The following TGM7 variants were observed in gnomAD, a reference collection of about 807,000 sequenced individuals.
TGM7 encodes protein-glutamine gamma-glutamyltransferase Z.
A neutral mutation model predicts 79.5 loss-of-function variants in TGM7; 74 were observed. The ratio of observed to expected loss-of-function variants is 0.93; its 90% confidence interval spans 0.77 to 1.13. The LOEUF is 1.13. Among genes scored for constraint, TGM7 ranks in the 50% most tolerant of loss-of-function variants. TGM7 has a pLI of 0.00. For missense variants in TGM7, 912 were observed against 905.9 expected, an observed-to-expected ratio of 1.01 and a Z score of -0.09; for synonymous variants, 354 against 362.5, an observed-to-expected ratio of 0.98 and a Z score of 0.27.
chr15:43,276,355 G>A lies in TGM7; in HGVS notation c.*100C>T. ...CAGAGCTTCATTCATTCCCAGGCAG[G>A]CTAGAGAGAGGACAGAGGTGGAGCC... On this transcript the variant is annotated 3_prime_UTR_variant, in exon 13 of 13. Coordinates refer to ENST00000452443, the MANE Select transcript of TGM7 (RefSeq NM_052955.3). 2.9e-6 allele frequency: 4 copies of A among 1,371,788 alleles called. No individual in the cohort carries two copies. The highest frequency in any genetic ancestry group is 1.9e-4 in the Middle Eastern group (1 of 5,350). The allele number at this position is 1,371,788 out of a possible 1,614,324, so 85.0% of individuals were successfully genotyped here. A position where few individuals can be genotyped will look rare whatever the true frequency, so the allele number is the denominator to read the frequency against.
chr15:43,279,754 C>A lies in TGM7; in HGVS notation c.1549G>T (p.Asp517Tyr). 1 of 1,614,084 alleles carries A rather than the reference C, an allele frequency of 6.2e-7. No individual in the cohort carries two copies. ...ATGGGCCCCCGAGGGTGGGTGCTGT[C>A]TGGCACCCTCTGGATACGCAGCAGC... is the stretch of plus-strand genomic sequence containing the variant. Reference protein sequence around the residue: ...QLLLRIQRVPDSTHPRGPIGL... With the variant: ...QLLLRIQRVPYSTHPRGPIGL... Residue 517 changes from aspartate to tyrosine, a missense_variant, in exon 10 of 13, where the codon GAC becomes TAC. Asp to Tyr is a radical substitution (Grantham distance 160). Coordinates refer to ENST00000452443, the MANE Select transcript of TGM7 (RefSeq NM_052955.3).
At chr15:43,288,757 C>G (rs538149601) in intron 4 of TGM7, among the ~76,000 whole-genome samples, 76 of 152,214 alleles carry the variant, frequency 5.0e-4, no homozygotes, top group Non-Finnish European at 8.5e-4. Flanking sequence ...CGGTGAAACC[C>G]CGTCTCTACT....
chr15:43,293,071 T>A, intron 2 of TGM7, 117 bp from the exon 3 acceptor site: 1 of 1,424,562 alleles, frequency 7.0e-7, no homozygotes, highest in Non-Finnish European at 9.5e-7. Flanking sequence ...TTTTGGCTTT[T>A]ACTGCCACCG....
In TGM7 at chr15:43,279,890, T is replaced by C; in HGVS notation, c.1413A>G (p.Arg471=). The C allele has an allele frequency of 6.2e-7, 1 of 1,614,064 alleles. No individual in the cohort carries two copies. The highest frequency in any genetic ancestry group is 8.5e-7 in the Non-Finnish European group (1 of 1,180,016). Residue 471 remains arginine, a synonymous_variant, in exon 10 of 13, where the codon AGA becomes AGG. Transcript: ENST00000452443. The part of the protein sequence containing the change: ...KASRKMLGPQ[R]ASLPFLDLLE... ...GGAGATCCAGGAAGGGCAAAGAAGC[T>C]CTTTGGGGGCCCAGCATTTTCCGAG...
At position 43,279,321 on chromosome 15, in the gene TGM7, G is replaced by T. The variant is rs746706752; in HGVS notation, c.1679-44C>A. ...CACCTTGAGTCCAGGACATGGACCAGAGAGAGGGGGGACATGTAGATGTGA... is the reference window on the plus strand; with the variant it reads ...CACCTTGAGTCCAGGACATGGACCATAGAGAGGGGGGACATGTAGATGTGA... On this transcript the variant is annotated intron_variant, in intron 10 of 12. Transcript: ENST00000452443. 6.9e-6 allele frequency: 11 copies of T among 1,587,344 alleles called. No individual in the cohort carries two copies. The African/African-American group carries it at 1.5e-4, about 21-fold the overall frequency.
chr15:43,292,785 C>A lies in TGM7; in HGVS notation c.363G>T (p.Glu121Asp), dbSNP rs765755247. 1 of 1,614,110 alleles carries A rather than the reference C, an allele frequency of 6.2e-7. No individual in the cohort carries two copies. Among genetic ancestry groups the A allele is most frequent in the Admixed American group, 1.7e-5 (1 of 60,026 alleles). The change falls in exon 3 of 13, where the codon GAG (glutamate) becomes GAT (aspartate). Residue 121 changes from glutamate (E) to aspartate (D), a missense_variant. Glu to Asp is a conservative substitution (Grantham distance 45, BLOSUM62 2). Transcript: ENST00000452443. ...CACTGTGACCTTGGCCCTGAGAGATCTCTATTTTCAGAGTGTAATGGCCAA... is the reference window on the plus strand; with the variant it reads ...CACTGTGACCTTGGCCCTGAGAGATATCTATTTTCAGAGTGTAATGGCCAA... ...AVIGHYTLKI[E>D]ISQGQGHSVT...
At chr15:43,286,322 G>A (rs896417760) in intron 6 of TGM7, among the ~76,000 whole-genome samples, 7 of 152,114 alleles carry the variant, frequency 4.6e-5, no homozygotes, top group African/African-American at 1.2e-4. Context: ...GGTGGACCTC[G>A]TCCTTCTCCT....
At chr15:43,283,013 G>T (rs2062716128) in intron 7 of TGM7, among the ~76,000 whole-genome samples, 3 of 152,176 alleles carry the variant, frequency 2.0e-5, no homozygotes, top group African/African-American at 7.2e-5. Context: ...TGGCACCGCT[G>T]CACTCCAGCC....
chr15:43,279,680 A>G lies in TGM7; in HGVS notation c.1623T>C (p.Gly541=), dbSNP rs749874314. The change falls in exon 10 of 13, where the codon GGT becomes GGC. Residue 541 remains glycine, a synonymous_variant. Transcript: ENST00000452443. ...FCAQALLHGG[G]TQKPFWRHTV... ...TGTGCCTCCAGAAGGGCTTCTGGGT[A>G]CCACCCCCATGCAGCAGGGCCTGTG... 2 of 1,612,954 alleles carry G rather than the reference A, an allele frequency of 1.2e-6. No individual in the cohort carries two copies. Among genetic ancestry groups the G allele is most frequent in the Non-Finnish European group, 8.5e-7 (1 of 1,179,492 alleles).
chr15:43,282,436 C>T (rs2042914228), intron 8 of TGM7, 81 bp downstream of exon 8: 2 of 1,262,142 alleles, frequency 1.6e-6, no homozygotes, highest in Non-Finnish European at 2.2e-6. Flanking sequence ...GCTGCTCCTC[C>T]CTGGTCTCCT....
intron 1 of TGM7, among the ~76,000 whole-genome samples, chr15:43,297,543 AAAAG>A (rs202000697): frequency 0.012 from 1,651 of 137,144 alleles, 10 homozygotes; most frequent in Non-Finnish European, 0.018. Context: ...AAGAAAGAGA[AAAAG>A]AAAGAAAGAA....
At position 43,279,911 on chromosome 15, in the gene TGM7, C is replaced by A. The variant is rs759571546; in HGVS notation, c.1392G>T (p.Arg464=). The A allele has an allele frequency of 6.2e-7, 1 of 1,614,170 alleles. No homozygotes were observed. The highest frequency in any genetic ancestry group is 1.1e-5 in the South Asian group (1 of 91,082). The change falls in exon 10 of 13, where the codon CGG becomes CGT. Residue 464 remains arginine, a synonymous_variant. Coordinates refer to ENST00000452443, the MANE Select transcript of TGM7 (RefSeq NM_052955.3). ...EERAVFMKAS[R]KMLGPQRASL... Reference sequence around the variant, plus strand: ...AAGCTCTTTGGGGGCCCAGCATTTTCCGAGAAGCCTTCATGAAGACAGCTC... The same window carrying A: ...AAGCTCTTTGGGGGCCCAGCATTTTACGAGAAGCCTTCATGAAGACAGCTC...
rs1330834451 is a variant in TGM7 at position 43,293,545 on chromosome 15, G to A, written c.97C>T (p.Leu33Phe). Residue 33 changes from leucine to phenylalanine, a missense_variant, in exon 2 of 13, where the codon CTC becomes TTC. By Grantham distance (22) the Leu-to-Phe change is conservative. Transcript: ENST00000452443. ...AAGGGCTGGCCGCGGCGCACAGTGA[G>A]CCGCTTGACGCCCATCTCCTGCGTG... is the stretch of plus-strand genomic sequence containing the variant. ...HHTQEMGVKR[L>F]TVRRGQPFYL... 1.9e-6 allele frequency: 3 copies of A among 1,609,372 alleles called. No homozygotes were observed. Among genetic ancestry groups the A allele is most frequent in the Non-Finnish European group, 2.5e-6 (3 of 1,178,386 alleles).
chr15:43,281,818 C>T (rs755307811), intron 9 of TGM7, 26 bp downstream of exon 9: 5 of 1,609,340 alleles, frequency 3.1e-6, no homozygotes, highest in South Asian at 1.1e-5. Flanking sequence ...TTAAAGCAGC[C>T]CTTTCCCCAA....
chr15:43,279,833 C>T lies in TGM7; in HGVS notation c.1470G>A (p.Ala490=), dbSNP rs780525541. The T allele has an allele frequency of 8.1e-6, 13 of 1,614,096 alleles. No homozygotes were observed. The highest frequency in any genetic ancestry group is 7.7e-5 in the South Asian group (7 of 91,088). The change falls in exon 10 of 13, where the codon GCG becomes GCA. Residue 490 remains alanine, a synonymous_variant. Transcript: ENST00000452443. ...TCCTGGCCAGGTGAAGCTGCAGCTG[C>T]GCTGGCTGATCCCTAAGACCCCCAG... The part of the protein sequence containing the change: ...LESGGLRDQP[A]QLQLHLARIP...
intron 4 of TGM7, among the ~76,000 whole-genome samples, chr15:43,288,997 C>A (rs1179526564): frequency 1.3e-5 from 2 of 151,026 alleles, no homozygotes; most frequent in African/African-American, 4.9e-5. Flanking sequence ...CAGAGAAGGA[C>A]AAGCTTTTTC....
intron 10 of TGM7, 117 bp from the exon 11 acceptor site, chr15:43,279,394 GAGAC>G (rs879730652): frequency 7.5e-5 from 93 of 1,245,592 alleles, no homozygotes; most frequent in Middle Eastern, 5.2e-4. Flanking sequence ...GTGTGTGTGA[GAGAC>G]AGACAGACAG....
At chr15:43,284,755 T>A in intron 7 of TGM7, 59 bp downstream of exon 7, 7 of 1,584,880 alleles carry the variant, frequency 4.4e-6, no homozygotes, top group South Asian at 2.2e-5. Context: ...GAGAACCAGG[T>A]CAGTTTTTCT....
In TGM7 at chr15:43,279,645, A is replaced by G. The variant is rs758160390; in HGVS notation, c.1658T>C (p.Met553Thr). ...CTCACCCTTCCCAAAGTCCAGGTTCATCCGCACTGTGTGCCTCCAGAAGGG... is the reference window on the plus strand; with the variant it reads ...CTCACCCTTCCCAAAGTCCAGGTTCGTCCGCACTGTGTGCCTCCAGAAGGG... ...QKPFWRHTVR[M>T]NLDFGKETQW... The change falls in exon 10 of 13, where the codon ATG becomes ACG. Residue 553 changes from methionine (M) to threonine (T), a missense_variant. Transcript: ENST00000452443. The G allele has an allele frequency of 5.6e-6, 9 of 1,603,590 alleles. No individual in the cohort carries two copies. The East Asian group carries it at 1.1e-4, about 20-fold the overall frequency.
Sources: gnomAD v4.1 joint callset for allele counts (sites outside exome capture counted in the v4.1 genomes callset) on GRCh38, gnomAD v4.1.1 for gene constraint, MANE v1.5 for transcripts, NCBI Gene and HGNC (gene_info 2026-07-23, HGNC 2026-07-21) for gene names.